The following RPTOR variants were observed in gnomAD, a reference collection of about 807,000 sequenced individuals.
RPTOR encodes the protein regulatory-associated protein of mTOR.
A neutral mutation model predicts 169.9 loss-of-function variants in RPTOR; 21 were observed. The ratio of observed to expected loss-of-function variants is 0.12; its 90% confidence interval spans 0.09 to 0.18. The LOEUF (loss-of-function observed/expected upper bound fraction) is 0.18, where lower values mean the gene tolerates loss of function less well. Ranked by LOEUF, RPTOR falls within the 10% of genes least tolerant of loss-of-function variation. The pLI is 1.00. For missense variants in RPTOR, 1,133 were observed against 1,855.9 expected (o/e 0.61, Z 7.16); for synonymous variants, 732 against 753.2 (o/e 0.97, Z 0.46).
chr17:80,730,659 G>C lies in RPTOR; in HGVS notation c.607G>C (p.Val203Leu), dbSNP rs780774569. ...CGACTGCTCCAATGCTGGCTTGATC[G>C]TCAAGTCCTTCAAGCAGTTCGCACT... is the stretch of plus-strand genomic sequence containing the variant. ...VYDCSNAGLI[V>L]KSFKQFALQR... Residue 203 changes from valine (V) to leucine (L), a missense_variant, in exon 5 of 34, where the codon GTC becomes CTC. By Grantham distance (32) the Val-to-Leu change is conservative (BLOSUM62 1). Coordinates refer to ENST00000306801, the MANE Select transcript of RPTOR (RefSeq NM_020761.3). This position sits in a 1 kb window ranked among gnomAD's most constrained non-coding sequence, Gnocchi z 4.2. The C allele has an allele frequency of 1.9e-6, 3 of 1,613,358 alleles. No individual in the cohort carries two copies. The East Asian group carries it at 6.7e-5, about 36-fold the overall frequency.
At chr17:80,618,974 C>T (rs983798416) in intron 1 of RPTOR, among the ~76,000 whole-genome samples, 3 of 152,172 alleles carry the variant, frequency 2.0e-5, no homozygotes, top group East Asian at 1.9e-4. Flanking sequence ...CTTGGTTACC[C>T]GCCTCCCCTT....
At chr17:80,902,418 T>A (rs1479053925) in intron 20 of RPTOR, among the ~76,000 whole-genome samples, 1 of 152,214 alleles carries the variant, frequency 6.6e-6, no homozygotes, top group African/African-American at 2.4e-5. Context: ...CAGAGCCAGG[T>A]GGTCTTGCCG....
At chr17:80,670,120 A>G (rs1253819859) in intron 3 of RPTOR, among the ~76,000 whole-genome samples, 2 of 152,222 alleles carry the variant, frequency 1.3e-5, no homozygotes, top group Non-Finnish European at 2.9e-5. Context: ...TGACTTGCTC[A>G]GTGAAATCGA....
chr17:80,619,702 T>A (rs930160030), intron 1 of RPTOR, among the ~76,000 whole-genome samples: 3 of 152,086 alleles, frequency 2.0e-5, no homozygotes, highest in Non-Finnish European at 4.4e-5. Flanking sequence ...AGAGTGGAAA[T>A]GTTAACGTGG....
chr17:80,694,466 T>A (rs1445741169), intron 3 of RPTOR, among the ~76,000 whole-genome samples: 1 of 152,218 alleles, frequency 6.6e-6, no homozygotes, highest in East Asian at 1.9e-4. Context: ...GTCTTCCATA[T>A]GTGGGGCCGT....
chr17:80,814,718 G>A (rs779147081), intron 7 of RPTOR, among the ~76,000 whole-genome samples: 13 of 152,072 alleles, frequency 8.5e-5, no homozygotes, highest in African/African-American at 3.1e-4. Flanking sequence ...CGACTTTCAC[G>A]CTAAGCATCG....
intron 3 of RPTOR, among the ~76,000 whole-genome samples, chr17:80,668,297 A>ATT (rs2065796227): frequency 6.6e-6 from 1 of 152,110 alleles, no homozygotes; most frequent in South Asian, 2.1e-4. Flanking sequence ...ATTTTTACTC[A>ATT]TTACTAGCCT....
At chr17:80,889,106 G>A (rs1251905441) in intron 17 of RPTOR, among the ~76,000 whole-genome samples, 1 of 152,244 alleles carries the variant, frequency 6.6e-6, no homozygotes, top group Non-Finnish European at 1.5e-5. Flanking sequence ...CCAGCTGCAG[G>A]GACGGCGCAG....
In RPTOR at chr17:80,891,863, G is replaced by T. The variant is rs534810352; in HGVS notation, c.2101+26G>T. 5.2e-5 allele frequency: 79 copies of T among 1,514,216 alleles called. 1 individual carries two copies. Among genetic ancestry groups the T allele is most frequent in the South Asian group, 5.0e-4 (44 of 88,508 alleles). 93.8% of individuals were successfully genotyped at this position (1,514,216 alleles called of 1,614,324 possible). ...GTATGGCGTCTTCTCCTGTGAACCC[G>T]CAGAGCACCTCGCCTGGCGGTTCTA... On this transcript the variant is annotated intron_variant, in intron 18 of 33. Coordinates refer to ENST00000306801, the MANE Select transcript of RPTOR (RefSeq NM_020761.3).
At chr17:80,713,684 A>G (rs1189215454) in intron 4 of RPTOR, among the ~76,000 whole-genome samples, 1 of 152,174 alleles carries the variant, frequency 6.6e-6, no homozygotes, top group Admixed American at 6.5e-5. Flanking sequence ...GAGAAAATAG[A>G]CTGCAAGATG....
intron 5 of RPTOR, among the ~76,000 whole-genome samples, chr17:80,737,503 C>G (rs1379518104): frequency 6.6e-6 from 1 of 152,194 alleles, no homozygotes; most frequent in African/African-American, 2.4e-5. Context: ...GGTGAGACGC[C>G]GGCTGTCCTG....
chr17:80,603,778 C>G (rs1477256654), intron 1 of RPTOR, among the ~76,000 whole-genome samples: 1 of 152,200 alleles, frequency 6.6e-6, no homozygotes, highest in Non-Finnish European at 1.5e-5. Flanking sequence ...TGAAATGTTG[C>G]CAGCCAAAGA....
intron 7 of RPTOR, among the ~76,000 whole-genome samples, chr17:80,811,808 C>T (rs1015525723): frequency 1.3e-5 from 2 of 150,960 alleles, no homozygotes; most frequent in African/African-American, 4.9e-5. Flanking sequence ...AAACCTCACT[C>T]CACCGGTGGG....
intron 6 of RPTOR, among the ~76,000 whole-genome samples, chr17:80,758,985 G>A (rs1431328433): frequency 2.0e-5 from 3 of 151,472 alleles, no homozygotes; most frequent in Non-Finnish European, 4.4e-5. Context: ...CTAGTTGACG[G>A]GTTTCTCTCA....
intron 6 of RPTOR, among the ~76,000 whole-genome samples, chr17:80,783,290 C>CT (rs1459175670): frequency 1.4e-4 from 21 of 152,274 alleles, no homozygotes. Flanking sequence ...GTCCCCATCC[C>CT]TTTTACTTTT....
chr17:80,588,484 A>G (rs980139223), intron 1 of RPTOR, among the ~76,000 whole-genome samples: 6 of 151,998 alleles, frequency 3.9e-5, no homozygotes, highest in Non-Finnish European at 5.9e-5. Flanking sequence ...TTTGTTGGAC[A>G]CCTTGGTACA....
chr17:80,729,949 G>T lies in RPTOR; in HGVS notation c.508-611G>T, dbSNP rs1255381208. ...CTCTGGTTCCATGGAGGGAGGTCCC[G>T]CAGTGAAAACTGAGACAAGTTTAAG... On this transcript the variant is annotated intron_variant, in intron 4 of 33. Coordinates refer to ENST00000306801, the MANE Select transcript of RPTOR (RefSeq NM_020761.3). 2.0e-5 allele frequency among the ~76,000 whole-genome samples: 3 copies of T among 152,196 alleles called. No individual in the cohort carries two copies. In the South Asian group the frequency reaches 6.2e-4, roughly 32 times the overall value.
chr17:80,818,226 G>A (rs1455129896), intron 7 of RPTOR, among the ~76,000 whole-genome samples: 2 of 152,196 alleles, frequency 1.3e-5, no homozygotes, highest in African/African-American at 2.4e-5. Flanking sequence ...TGGGACCAGC[G>A]CTTGAGTTTT....
chr17:80,920,514 C>T (rs189982027), intron 21 of RPTOR, among the ~76,000 whole-genome samples: 85 of 152,326 alleles, frequency 5.6e-4, no homozygotes, highest in African/African-American at 1.8e-3. Context: ...GAATTCATGC[C>T]GAGGCCCGGA....
Sources: allele counts gnomAD v4.1 joint callset (sites outside exome capture counted in the v4.1 genomes callset), GRCh38; gene constraint gnomAD v4.1.1; non-coding constraint Gnocchi (gnomAD v3.1); transcripts MANE v1.5; gene names NCBI Gene and HGNC (gene_info 2026-07-23, HGNC 2026-07-21).